The following HEATR5A variants were observed in gnomAD, a reference collection of about 807,000 sequenced individuals.
The protein encoded by HEATR5A is HEAT repeat containing 5A, also known as HEAT repeat-containing protein 5A.
Under a neutral mutation model 218.8 loss-of-function variants are expected in HEATR5A, and 178 were observed. That is an observed-to-expected ratio of 0.81 (90% CI 0.72 to 0.92). The LOEUF (loss-of-function observed/expected upper bound fraction) is 0.92, where lower values mean the gene tolerates loss of function less well. HEATR5A is among the 40% of genes least tolerant of loss of function. HEATR5A has a pLI of 0.00. For synonymous variants in HEATR5A, 864 were observed against 871.6 expected, an observed-to-expected ratio of 0.99 and a Z score of 0.15; for missense variants, 2,420 against 2,418.9, an observed-to-expected ratio of 1.00 and a Z score of -0.01.
chr14:31,362,862 G>A (rs866790586), intron 14 of HEATR5A, among the ~76,000 whole-genome samples: 17 of 151,962 alleles, frequency 1.1e-4, no homozygotes, highest in African/African-American at 4.1e-4. Flanking sequence ...ATTCCTAAAT[G>A]TTTATTGAAG....
At chr14:31,398,604 T>C in intron 4 of HEATR5A, 69 bp downstream of exon 4, 2 of 775,490 alleles carry the variant, frequency 2.6e-6, no homozygotes, top group South Asian at 3.4e-5. Flanking sequence ...GCTCTTTGAT[T>C]TGCTCAGGAA....
chr14:31,414,364 T>C (rs1193583318), intron 1 of HEATR5A, among the ~76,000 whole-genome samples: 1 of 152,228 alleles, frequency 6.6e-6, no homozygotes, highest in East Asian at 1.9e-4. Context: ...TCAAAGCCTA[T>C]TCATTCTTAG....
At chr14:31,312,905 A>AG (rs1177187859) in intron 28 of HEATR5A, 63 bp downstream of exon 28, 6 of 1,388,968 alleles carry the variant, frequency 4.3e-6, no homozygotes, top group East Asian at 4.9e-5. Flanking sequence ...CAAAAACAAA[A>AG]AAAAAGAAAA....
intron 1 of HEATR5A, among the ~76,000 whole-genome samples, chr14:31,406,570 G>T (rs1203710831): frequency 1.3e-5 from 2 of 152,036 alleles, no homozygotes; most frequent in East Asian, 3.8e-4. Flanking sequence ...ACAGAACCTG[G>T]GTGTGCACTT....
chr14:31,326,064 CTAGT>C (rs2139173262), intron 23 of HEATR5A, 95 bp downstream of exon 23: 3 of 826,544 alleles, frequency 3.6e-6, no homozygotes, highest in Non-Finnish European at 6.0e-6. Context: ...CAGAATCCAG[CTAGT>C]TAGACAAGAC....
chr14:31,352,085 T>C (rs1566764685), intron 16 of HEATR5A, among the ~76,000 whole-genome samples: 1 of 152,202 alleles, frequency 6.6e-6, no homozygotes, highest in Non-Finnish European at 1.5e-5. Context: ...TTTAATTCCT[T>C]ATGTCAAGAT....
Position 31,358,939 on chromosome 14 carries a change from T to C in HEATR5A, c.2190A>G (p.Leu730=). 6.3e-7 allele frequency: 1 copy of C among 1,591,994 alleles called. No individual in the cohort carries two copies. The highest frequency in any genetic ancestry group is 8.5e-7 in the Non-Finnish European group (1 of 1,174,756). ...GGTCAGTCTCTTGTAGGAAAGGACT[T>C]AGTATCAAAAGATCATCCTGATGAC... The part of the protein sequence containing the change: ...PLCHQDDLLI[L]SPFLQETDHR... The change falls in exon 15 of 36, where the codon CTA becomes CTG. Residue 730 remains leucine, a synonymous_variant. Coordinates refer to ENST00000543095, the MANE Select transcript of HEATR5A (RefSeq NM_015473.4).
At chr14:31,420,165 G>A (rs2031598660) in intron 1 of HEATR5A, 1 of 152,356 alleles carries the variant, frequency 6.6e-6, no homozygotes, top group African/African-American at 2.4e-5. Flanking sequence ...TTGTGCACAG[G>A]TGAAGCCAGA....
chr14:31,345,121 A>T lies in HEATR5A; in HGVS notation c.3024T>A (p.Asn1008Lys), dbSNP rs747035678. 40 of 1,613,788 alleles carry T rather than the reference A, an allele frequency of 2.5e-5. No individual in the cohort carries two copies. The highest frequency in any genetic ancestry group is 1.6e-4 in the Middle Eastern group (1 of 6,084). ...CTGGACCTAACGTGGTAATAAGGGC[A>T]TTCAAACAGCGACCAAGGCTTTGGT... ...EVHQSLGRCL[N>K]ALITTLGPEL... Residue 1008 changes from asparagine to lysine, a missense_variant, in exon 20 of 36, where the codon AAT becomes AAA. Physicochemically the swap from Asn to Lys is moderately conservative, Grantham distance 94. Transcript: ENST00000543095.
In HEATR5A at chr14:31,406,941, C is replaced by T. The variant is rs114766946; in HGVS notation, c.-74-3892G>A. 3.3e-3 allele frequency among the ~76,000 whole-genome samples: 435 copies of T among 130,724 alleles called. 4 individuals are homozygous for T. The highest frequency in any genetic ancestry group is 0.012 in the African/African-American group (421 of 35,582). 85.8% of individuals were successfully genotyped at this position (130,724 alleles called of 152,430 possible). Reference sequence around the variant, plus strand: ...AAGATCACGCCATTGCATTCCATTGCACTCTAGCCTGTGTGACAAGAGTGA... The same window carrying T: ...AAGATCACGCCATTGCATTCCATTGTACTCTAGCCTGTGTGACAAGAGTGA... On this transcript the variant is annotated intron_variant, in intron 1 of 35. Transcript: ENST00000543095.
At chr14:31,391,529 T>C (rs1320701187) in intron 6 of HEATR5A, among the ~76,000 whole-genome samples, 1 of 150,724 alleles carries the variant, frequency 6.6e-6, no homozygotes, top group Non-Finnish European at 1.5e-5. Context: ...AAACAAAGGC[T>C]AATTTATTAT....
At position 31,294,112 on chromosome 14, in the gene HEATR5A, G is replaced by A; in HGVS notation, c.5620-8C>T. On this transcript the variant is annotated splice_polypyrimidine_tract_variant and splice_region_variant and intron_variant, in intron 34 of 35. Coordinates refer to ENST00000543095, the MANE Select transcript of HEATR5A (RefSeq NM_015473.4). The stretch of plus-strand genomic sequence containing the variant: ...GTAGGTCTTGATTTGTACCTAATAA[G>A]GTAAGAGAAAAGAATAGCAAATACT... 6.5e-7 allele frequency: 1 copy of A among 1,540,142 alleles called. No homozygotes were observed. The highest frequency in any genetic ancestry group is 8.8e-7 in the Non-Finnish European group (1 of 1,131,538).
At chr14:31,350,769 TTTG>T in intron 16 of HEATR5A, 52 bp from the exon 17 acceptor site, 1 of 766,572 alleles carries the variant, frequency 1.3e-6, no homozygotes, top group Non-Finnish European at 2.2e-6. Context: ...TTTTTGTTTG[TTTG>T]TTTGTTTGTT....
chr14:31,357,914 C>T (rs1290469847), intron 16 of HEATR5A, among the ~76,000 whole-genome samples: 31 of 152,134 alleles, frequency 2.0e-4, no homozygotes, highest in Admixed American at 2.0e-3. Context: ...TACTGGTCCA[C>T]GGCCTGTTAG....
chr14:31,345,690 C>T (rs1219145676), intron 19 of HEATR5A, among the ~76,000 whole-genome samples: 1 of 152,038 alleles, frequency 6.6e-6, no homozygotes, highest in Admixed American at 6.6e-5. Context: ...TGTATGATTC[C>T]ATTTACATAA....
At position 31,400,381 on chromosome 14, in the gene HEATR5A, G is replaced by T; in HGVS notation, c.258C>A (p.Phe86Leu). 6.5e-7 allele frequency: 1 copy of T among 1,535,836 alleles called. No homozygotes were observed. Among genetic ancestry groups the T allele is most frequent in the African/African-American group, 1.4e-5 (1 of 73,130 alleles). ...ATTTATCGATTGCTTCATGAACGGA[G>T]AATGTGTCTCCAATACTATAAAGTA... ...LAILYSIGDT[F>L]SVHEAIDKCN... Residue 86 changes from phenylalanine (F) to leucine (L), a missense_variant, in exon 3 of 36, where the codon TTC becomes TTA. Coordinates refer to ENST00000543095, the MANE Select transcript of HEATR5A (RefSeq NM_015473.4).
At chr14:31,361,437 A>C (rs774197155) in intron 14 of HEATR5A, among the ~76,000 whole-genome samples, 12 of 152,166 alleles carry the variant, frequency 7.9e-5, no homozygotes, top group Non-Finnish European at 2.9e-5. Flanking sequence ...TGCTCAAAGG[A>C]ATGTCTAAGT....
At chr14:31,304,592 T>G (rs979793771) in intron 32 of HEATR5A, among the ~76,000 whole-genome samples, 1 of 152,136 alleles carries the variant, frequency 6.6e-6, no homozygotes, top group Admixed American at 6.6e-5. Context: ...TAATTTTGTA[T>G]TTTTAGTAGA....
intron 25 of HEATR5A, chr14:31,320,453 C>T (rs933137142): frequency 5.9e-6 from 8 of 1,361,260 alleles, no homozygotes; most frequent in Admixed American, 5.1e-5. Flanking sequence ...GTCAGTGTCC[C>T]GGGAGACAAC....
Sources: allele counts gnomAD v4.1 joint callset (sites outside exome capture counted in the v4.1 genomes callset), GRCh38; gene constraint gnomAD v4.1.1; transcripts MANE v1.5; gene names NCBI Gene and HGNC (gene_info 2026-07-23, HGNC 2026-07-21).